The following THSD7A variants were observed in gnomAD, a reference collection of about 807,000 sequenced individuals.
The protein encoded by THSD7A is thrombospondin type 1 domain containing 7A, also known as thrombospondin type-1 domain-containing protein 7A.
A neutral mutation model predicts 231.3 loss-of-function variants in THSD7A; 96 were observed. The ratio of observed to expected loss-of-function variants is 0.41; its 90% confidence interval spans 0.35 to 0.49. The LOEUF is 0.49. Among genes scored for constraint, THSD7A ranks in the 20% least tolerant of loss-of-function variants. THSD7A has a pLI of 0.05. For synonymous variants in THSD7A, 940 were observed against 743.3 expected, an observed-to-expected ratio of 1.26 and a Z score of -4.30; for missense variants, 2,290 against 2,070.2, an observed-to-expected ratio of 1.11 and a Z score of -2.06.
intron 4 of THSD7A, among the ~76,000 whole-genome samples, chr7:11,583,833 G>A (rs1219644124): frequency 6.6e-6 from 1 of 152,044 alleles, no homozygotes; most frequent in Non-Finnish European, 1.5e-5. Flanking sequence ...TCTCAGCTTT[G>A]CAGTTTTTGG....
intron 6 of THSD7A, among the ~76,000 whole-genome samples, chr7:11,503,751 A>C (rs1237723752): frequency 6.6e-6 from 1 of 152,226 alleles, no homozygotes; most frequent in Non-Finnish European, 1.5e-5. Flanking sequence ...AATCAAAGCC[A>C]CAGCGAGGTA....
chr7:11,727,537 A>C (rs1300865768), intron 1 of THSD7A, among the ~76,000 whole-genome samples: 1 of 151,970 alleles, frequency 6.6e-6, no homozygotes, highest in Non-Finnish European at 1.5e-5. Context: ...CTCAAAATTC[A>C]TTTGGGGCCC....
chr7:11,731,610 T>C (rs1210368299), intron 1 of THSD7A, among the ~76,000 whole-genome samples: 2 of 151,736 alleles, frequency 1.3e-5, no homozygotes, highest in African/African-American at 4.8e-5. Flanking sequence ...TTTTATATCA[T>C]GTGTGGAGTT....
chr7:11,422,324 C>T (rs571753544), intron 16 of THSD7A, among the ~76,000 whole-genome samples: 1 of 152,212 alleles, frequency 6.6e-6, no homozygotes, highest in African/African-American at 2.4e-5. Context: ...TAAATTTAAA[C>T]CTCCTCTTTT....
intron 4 of THSD7A, among the ~76,000 whole-genome samples, chr7:11,561,565 C>G (rs1235616730): frequency 6.6e-6 from 1 of 152,046 alleles, no homozygotes; most frequent in African/African-American, 2.4e-5. Context: ...AACTGTAATC[C>G]ACATTTAAGA....
chr7:11,540,250 G>A (rs1187148135), intron 6 of THSD7A, among the ~76,000 whole-genome samples: 6 of 152,134 alleles, frequency 3.9e-5, no homozygotes, highest in African/African-American at 1.4e-4. Flanking sequence ...CTCAAGCACT[G>A]GTTCAGATTT....
At chr7:11,647,389 G>C (rs910016034) in intron 1 of THSD7A, among the ~76,000 whole-genome samples, 2 of 151,906 alleles carry the variant, frequency 1.3e-5, no homozygotes, top group African/African-American at 4.8e-5. Context: ...GGCTCTTATG[G>C]CACAGCACCA....
At chr7:11,598,653 A>G (rs1033229081) in intron 2 of THSD7A, among the ~76,000 whole-genome samples, 4 of 152,156 alleles carry the variant, frequency 2.6e-5, no homozygotes, top group African/African-American at 9.7e-5. Context: ...AGTTCTCCAG[A>G]CGGCCGTGAA....
rs140030962 is a variant in THSD7A at position 11,806,483 on chromosome 7, G to T, written c.190+25274C>A. Among the ~76,000 whole-genome samples, 194 of 152,232 alleles carry T rather than the reference G, an allele frequency of 1.3e-3. 1 individual carries two copies. The highest frequency in any genetic ancestry group is 4.4e-3 in the African/African-American group (182 of 41,538). On this transcript the variant is annotated intron_variant, in intron 1 of 27. Coordinates refer to ENST00000423059, the MANE Select transcript of THSD7A (RefSeq NM_015204.3). ...CAGCTTTAGTCTACAGAGCTTAAAA[G>T]TGGTTGTGGGGATACAATATATATT... is the stretch of plus-strand genomic sequence containing the variant.
At chr7:11,439,579 C>G (rs1040408008) in intron 13 of THSD7A, among the ~76,000 whole-genome samples, 2 of 151,944 alleles carry the variant, frequency 1.3e-5, no homozygotes, top group Non-Finnish European at 2.9e-5. Context: ...TGTGAACACA[C>G]AAATAATAAG....
At chr7:11,757,084 T>C (rs7795351) in intron 1 of THSD7A, among the ~76,000 whole-genome samples, 102,529 of 151,534 alleles carry the variant, frequency 0.68, 35,358 homozygotes, top group African/African-American at 0.82. Context: ...AGTGTGTGCT[T>C]AGTAAACATT....
intron 9 of THSD7A, among the ~76,000 whole-genome samples, chr7:11,467,020 A>C (rs1448932970): frequency 6.6e-6 from 1 of 152,014 alleles, no homozygotes; most frequent in Non-Finnish European, 1.5e-5. Context: ...TCAGTTTTTC[A>C]TTCCTTTACA....
chr7:11,763,287 C>T (rs1299767884), intron 1 of THSD7A, among the ~76,000 whole-genome samples: 1 of 152,188 alleles, frequency 6.6e-6, no homozygotes, highest in Non-Finnish European at 1.5e-5. Context: ...TCTCTGTCCT[C>T]ATCTACCTTA....
At chr7:11,485,123 T>A (rs556911236) in intron 6 of THSD7A, among the ~76,000 whole-genome samples, 87 of 151,936 alleles carry the variant, frequency 5.7e-4, no homozygotes, top group African/African-American at 2.0e-3. Context: ...ACTCCTGACC[T>A]CATGATCTGC....
At chr7:11,754,681 TA>T (rs1366463678) in intron 1 of THSD7A, among the ~76,000 whole-genome samples, 1 of 152,102 alleles carries the variant, frequency 6.6e-6, no homozygotes. Context: ...TGCAATCTTT[TA>T]AAAAACTTTC....
At position 11,424,769 on chromosome 7, in the gene THSD7A, A is replaced by C. The variant is rs1394732800; in HGVS notation, c.3310T>G (p.Trp1104Gly). Residue 1104 changes from tryptophan to glycine, a missense_variant, in exon 16 of 28, where the codon TGG becomes GGG. Coordinates refer to ENST00000423059, the MANE Select transcript of THSD7A (RefSeq NM_015204.3). ...ACAAAGGTCACCTTGCAGATGCTCC[A>C]GGGCTCTGTGACCCATAGGTACTGG... ...CNQYLWVTEPWSICKVTFVNM... is the reference protein window; with the variant it reads ...CNQYLWVTEPGSICKVTFVNM... The C allele has an allele frequency of 1.2e-6, 2 of 1,613,906 alleles. No homozygotes were observed. Among genetic ancestry groups the C allele is most frequent in the Non-Finnish European group, 1.7e-6 (2 of 1,179,900 alleles).
chr7:11,710,289 A>G (rs1780909434), intron 1 of THSD7A, among the ~76,000 whole-genome samples: 1 of 150,720 alleles, frequency 6.6e-6, no homozygotes. Context: ...AAGAAAAGAA[A>G]ATTAGAGCTA....
intron 16 of THSD7A, among the ~76,000 whole-genome samples, chr7:11,418,270 G>C (rs531182953): frequency 2.6e-5 from 4 of 152,226 alleles, no homozygotes; most frequent in African/African-American, 4.8e-5. Flanking sequence ...TGGTTATTTG[G>C]ATTTTCCTAC....
intron 6 of THSD7A, among the ~76,000 whole-genome samples, chr7:11,494,089 T>C (rs770131490): frequency 6.6e-6 from 1 of 151,998 alleles, no homozygotes; most frequent in South Asian, 2.1e-4. Flanking sequence ...GTCTCTAAAA[T>C]TGAAACATAA....
Sources: gnomAD v4.1 joint callset for allele counts (sites outside exome capture counted in the v4.1 genomes callset) on GRCh38, gnomAD v4.1.1 for gene constraint, MANE v1.5 for transcripts, NCBI Gene and HGNC (gene_info 2026-07-23, HGNC 2026-07-21) for gene names.